RMST: variants seen among roughly 807,000 people sequenced by gnomAD.
RMST encodes long intergenic non-protein coding RNA 54.
At chr12:97,491,884 A>T (rs539301513) in intron 5 of RMST, 1 of 522,776 alleles carries the variant, frequency 1.9e-6, no homozygotes, top group African/African-American at 1.9e-5. Flanking sequence ...AAGAAACTCC[A>T]CCCGAGCGTC....
chr12:97,495,372 G>A (rs1877292358), intron 9 of RMST, among the ~76,000 whole-genome samples: 1 of 151,988 alleles, frequency 6.6e-6, no homozygotes, highest in African/African-American at 2.4e-5. Flanking sequence ...TATAATGTCT[G>A]CATGACAAGA....
At chr12:97,491,463 T>C (rs1876802183) in intron 5 of RMST, among the ~76,000 whole-genome samples, 1 of 152,230 alleles carries the variant, frequency 6.6e-6, no homozygotes. Flanking sequence ...TGTAAATATT[T>C]CCTCCAAAAT....
chr12:97,486,274 C>A (rs980394155), intron 5 of RMST, among the ~76,000 whole-genome samples: 41 of 152,188 alleles, frequency 2.7e-4, no homozygotes, highest in African/African-American at 9.7e-4. Context: ...GCTTGATAAT[C>A]ACCTCTGGCT....
intron 10 of RMST, among the ~76,000 whole-genome samples, chr12:97,512,467 G>A (rs1220679991): frequency 6.6e-6 from 1 of 152,210 alleles, no homozygotes; most frequent in Non-Finnish European, 1.5e-5. Flanking sequence ...CAAGTGGTCT[G>A]TTTTGACAGG....
At chr12:97,560,529 C>T (rs1001395022) in intron 11 of RMST, 4 of 152,250 alleles carry the variant, frequency 2.6e-5, no homozygotes, top group Non-Finnish European at 4.4e-5. Flanking sequence ...TTCTATCTCA[C>T]CCACCAGGAG....
chr12:97,523,899 A>T (rs1880776171), intron 10 of RMST, among the ~76,000 whole-genome samples: 2 of 151,784 alleles, frequency 1.3e-5, no homozygotes, highest in Non-Finnish European at 1.5e-5. Context: ...AACACGGTGA[A>T]ACCCCATCTC....
At chr12:97,463,931 A>G (rs1352172678) in intron 4 of RMST, among the ~76,000 whole-genome samples, 2 of 152,152 alleles carry the variant, frequency 1.3e-5, no homozygotes, top group Non-Finnish European at 2.9e-5. Flanking sequence ...GAGGATGAAC[A>G]CTTTGTGTAG....
chr12:97,535,562 A>G (rs1195330192), intron 11 of RMST, among the ~76,000 whole-genome samples: 1 of 150,104 alleles, frequency 6.7e-6, no homozygotes, highest in Admixed American at 6.6e-5. Flanking sequence ...CAGATTGGCA[A>G]AGGTTTTACC....
chr12:97,482,663 ATTTATTT>A, intron 5 of RMST, among the ~76,000 whole-genome samples: 2 of 139,200 alleles, frequency 1.4e-5, no homozygotes, highest in Admixed American at 1.5e-4. Context: ...TAATAAATTT[ATTTATTT>A]AATATTTAAT....
chr12:97,534,317 G>A (rs1389853114), intron 11 of RMST, among the ~76,000 whole-genome samples: 2 of 151,624 alleles, frequency 1.3e-5, no homozygotes, highest in Non-Finnish European at 3.0e-5. Context: ...TCTAAAGTAA[G>A]CAATATTAAT....
At chr12:97,508,281 G>GAAAGA (rs992957750) in intron 10 of RMST, among the ~76,000 whole-genome samples, 21 of 152,226 alleles carry the variant, frequency 1.4e-4, no homozygotes, top group African/African-American at 4.8e-4. Context: ...TGTTTATAAT[G>GAAAGA]AAAGAAAAGA....
chr12:97,540,300 A>G (rs1294397436), intron 11 of RMST, among the ~76,000 whole-genome samples: 1 of 151,678 alleles, frequency 6.6e-6, no homozygotes, highest in Admixed American at 6.6e-5. Context: ...TCAATCACCT[A>G]TATTTCACGA....
At chr12:97,531,994 A>G (rs1384434209) in intron 11 of RMST, among the ~76,000 whole-genome samples, 1 of 151,976 alleles carries the variant, frequency 6.6e-6, no homozygotes, top group Non-Finnish European at 1.5e-5. Flanking sequence ...TTATATTCTC[A>G]AATAAAAATG....
chr12:97,483,008 A>G (rs1875610286), intron 5 of RMST, among the ~76,000 whole-genome samples: 5 of 151,856 alleles, frequency 3.3e-5, no homozygotes, highest in Non-Finnish European at 7.4e-5. Flanking sequence ...CACCATGACC[A>G]GGTGCACGGC....
chr12:97,485,875 G>A (rs1876038568), intron 5 of RMST, among the ~76,000 whole-genome samples: 1 of 152,208 alleles, frequency 6.6e-6, no homozygotes, highest in Non-Finnish European at 1.5e-5. Flanking sequence ...CCACCTGGCA[G>A]TGTGTCTTTT....
rs114740064 is a variant in RMST at position 97,564,323 on chromosome 12, A to T, written n.2132A>T. 4.4e-3 allele frequency: 755 copies of T among 170,104 alleles called. 5 individuals are homozygous for T. Among genetic ancestry groups the T allele is most frequent in the African/African-American group, 0.017 (720 of 41,894 alleles). 10.5% of individuals were successfully genotyped at this position (170,104 alleles called of 1,614,324 possible). ...CAGATTTCTCTACTCCCAAGCTCCA[A>T]AAAAGGTATACATTGGATGGGCTAG... On this transcript the variant is annotated non_coding_transcript_exon_variant, in exon 14 of 14. Coordinates refer to ENST00000640149, the Ensembl canonical transcript of RMST.
chr12:97,512,274 G>A (rs1374943231), intron 10 of RMST, among the ~76,000 whole-genome samples: 2 of 152,210 alleles, frequency 1.3e-5, no homozygotes, highest in East Asian at 3.9e-4. Flanking sequence ...CCTTTGTGGT[G>A]TTACAGCTCA....
chr12:97,548,865 G>A (rs989221062), intron 11 of RMST, among the ~76,000 whole-genome samples: 1 of 152,028 alleles, frequency 6.6e-6, no homozygotes, highest in Non-Finnish European at 1.5e-5. Context: ...AAAAACAAAT[G>A]GAGAAAAGTC....
chr12:97,464,415 C>T (rs1477065613), intron 4 of RMST, among the ~76,000 whole-genome samples: 1 of 152,190 alleles, frequency 6.6e-6, no homozygotes, highest in African/African-American at 2.4e-5. Context: ...TTACAAGATC[C>T]ATTCGGAGCT....
Sources: gnomAD v4.1 joint callset for allele counts (sites outside exome capture counted in the v4.1 genomes callset) on GRCh38, gnomAD v4.1.1 for gene constraint, MANE v1.5 for transcripts, NCBI Gene and HGNC (gene_info 2026-07-23, HGNC 2026-07-21) for gene names.